The following SYNC variants were observed in gnomAD, a reference collection of about 807,000 sequenced individuals.
The protein encoded by SYNC is syncoilin.
A neutral mutation model predicts 49.5 loss-of-function variants in SYNC; 38 were observed. That is an observed-to-expected ratio of 0.77 (90% CI 0.59 to 1.01). SYNC has a LOEUF of 1.01. Among genes scored for constraint, SYNC ranks in the 50% least tolerant of loss-of-function variants. The pLI, the probability that SYNC is intolerant of heterozygous loss-of-function variation, is 0.00. For synonymous variants in SYNC, 201 were observed against 230.8 expected (o/e 0.87, Z 1.17); for missense variants, 579 against 580.6 (o/e 1.00, Z 0.03).
rs1310316570 is a variant in SYNC at position 32,684,544 on chromosome 1, T to G, written c.1234-162A>C. Reference sequence around the variant, plus strand: ...TTATGAAACAGGTTCAAAGAAGTTGTGTCTTGGAAAAAAAGTGACAATGCT... The same window carrying G: ...TTATGAAACAGGTTCAAAGAAGTTGGGTCTTGGAAAAAAAGTGACAATGCT... On this transcript the variant is annotated intron_variant, in intron 2 of 4. Transcript: ENST00000409190. The G allele has an allele frequency of 2.8e-6, 3 of 1,061,182 alleles. No homozygotes were observed. The African/African-American group carries it at 4.8e-5, about 17-fold the overall frequency. 65.7% of individuals were successfully genotyped at this position (1,061,182 alleles called of 1,614,324 possible). A position where few individuals can be genotyped will look rare whatever the true frequency, so the allele number is the denominator to read the frequency against.
rs1208319167 is a variant in SYNC at position 32,694,902 on chromosome 1, A to G, written c.1196T>C (p.Val399Ala). The change falls in exon 2 of 5, where the codon GTG (valine) becomes GCG (alanine). Residue 399 changes from valine to alanine, a missense_variant. Transcript: ENST00000409190. ...NRNLEDQIAL[V>A]RQKRDEEVQQ... ...CACCTCTTCATCTCGTTTTTGCCTC[A>G]CAAGTGCGATCTGGTCCTCCAGGTT... 1.9e-6 allele frequency: 3 copies of G among 1,610,840 alleles called. No individual in the cohort carries two copies. Among genetic ancestry groups the G allele is most frequent in the African/African-American group, 2.7e-5 (2 of 74,422 alleles).
At chr1:32,687,884 C>T (rs1649962532) in intron 2 of SYNC, among the ~76,000 whole-genome samples, 2 of 19,678 alleles carry the variant, frequency 1.0e-4, no homozygotes, top group African/African-American at 2.2e-4. Context: ...GAGTCTTGCT[C>T]TGTCGCTCAG....
At chr1:32,693,537 T>A (rs1650266727) in intron 2 of SYNC, among the ~76,000 whole-genome samples, 1 of 151,470 alleles carries the variant, frequency 6.6e-6, no homozygotes, top group Non-Finnish European at 1.5e-5. Context: ...GAATCAGTGT[T>A]TCAAAAGATT....
In SYNC at chr1:32,695,664, C is replaced by A. The variant is rs1650391181; in HGVS notation, c.434G>T (p.Arg145Met). 1 of 1,551,640 alleles carries A rather than the reference C, an allele frequency of 6.4e-7. No individual in the cohort carries two copies. The highest frequency in any genetic ancestry group is 8.7e-7 in the Non-Finnish European group (1 of 1,147,018). Reference sequence around the variant, plus strand: ...CTCCTCAGGGTTAGATTTCTCCGCCCTTGTGACTGTCTCTCCCTCATAAAC... The same window carrying A: ...CTCCTCAGGGTTAGATTTCTCCGCCATTGTGACTGTCTCTCCCTCATAAAC... ...HVVYEGETVTRAEKSNPEESL... is the reference protein window; with the variant it reads ...HVVYEGETVTMAEKSNPEESL... Residue 145 changes from arginine to methionine, a missense_variant, in exon 2 of 5, where the codon AGG (arginine) becomes ATG (methionine). Coordinates refer to ENST00000409190, the MANE Select transcript of SYNC (RefSeq NM_030786.3).
intron 2 of SYNC, among the ~76,000 whole-genome samples, chr1:32,686,796 A>T (rs1649861847): frequency 6.7e-6 from 1 of 150,284 alleles, no homozygotes; most frequent in Non-Finnish European, 1.5e-5. Context: ...GAGCTTAAGT[A>T]ATTTGTCCAA....
intron 4 of SYNC, chr1:32,682,132 T>C (rs912593083): frequency 3.2e-5 from 14 of 442,566 alleles, no homozygotes; most frequent in Middle Eastern, 6.3e-4. Flanking sequence ...GATTAGTCGT[T>C]GTCTTTTCCA....
rs914190847 is a variant in SYNC at position 32,680,326 on chromosome 1, C to G, written c.*1524G>C. On this transcript the variant is annotated 3_prime_UTR_variant, in exon 5 of 5. Coordinates refer to ENST00000409190, the MANE Select transcript of SYNC (RefSeq NM_030786.3). ...TGTTTTCATGTTGTTTATTTCCTGT[C>G]TGTGAAATGGTGTTTTTTTTTTTGT... The G allele has an allele frequency of 2.1e-4, 269 of 1,287,266 alleles. 1 individual carries two copies. Among genetic ancestry groups the G allele is most frequent in the Non-Finnish European group, 2.6e-4 (266 of 1,020,288 alleles). The allele number at this position is 1,287,266 out of a possible 1,614,324, so 79.7% of individuals were successfully genotyped here.
In SYNC at chr1:32,694,909, C is replaced by T. The variant is rs397205; in HGVS notation, c.1189G>A (p.Ala397Thr). 3,091 of 1,612,188 alleles carry T rather than the reference C, an allele frequency of 1.9e-3. 52 individuals carry two copies. The African/African-American group carries it at 0.033, about 17-fold the overall frequency. ...TCATCTCGTTTTTGCCTCACAAGTG[C>T]GATCTGGTCCTCCAGGTTCCTGTTT... ...LQNRNLEDQI[A>T]LVRQKRDEEV... The change falls in exon 2 of 5, where the codon GCA (alanine) becomes ACA (threonine). Residue 397 changes from alanine to threonine, a missense_variant. Coordinates refer to ENST00000409190, the MANE Select transcript of SYNC (RefSeq NM_030786.3).
intron 2 of SYNC, chr1:32,684,896 T>C (rs1649713720): frequency 6.5e-6 from 1 of 153,392 alleles, no homozygotes; most frequent in African/African-American, 2.4e-5. Context: ...TAAGGAAAAG[T>C]TTTTGTGTCC....
chr1:32,691,906 A>C (rs1456880876), intron 2 of SYNC, among the ~76,000 whole-genome samples: 1 of 151,908 alleles, frequency 6.6e-6, no homozygotes, highest in Non-Finnish European at 1.5e-5. Flanking sequence ...CTCTTTTTTC[A>C]TGAAGAGTTC....
chr1:32,682,305 C>A (rs1360555471), intron 4 of SYNC: 1 of 159,180 alleles, frequency 6.3e-6, no homozygotes, highest in Non-Finnish European at 1.4e-5. Flanking sequence ...CCTGTAATCC[C>A]AGCTACTTAG....
At position 32,680,848 on chromosome 1, in the gene SYNC, A is replaced by G. The variant is rs988160344; in HGVS notation, c.*1002T>C. On this transcript the variant is annotated 3_prime_UTR_variant, in exon 5 of 5. Transcript: ENST00000409190. ...GAAAGTGAAAGACATAAAACACTGA[A>G]TCAGAGGTGGCACAGATTAGTCTTT... 1 of 340,606 alleles carries G rather than the reference A, an allele frequency of 2.9e-6. No individual in the cohort carries two copies. Among genetic ancestry groups the G allele is most frequent in the Non-Finnish European group, 5.3e-6 (1 of 187,944 alleles). 21.1% of individuals were successfully genotyped at this position (340,606 alleles called of 1,614,324 possible).
intron 1 of SYNC, among the ~76,000 whole-genome samples, chr1:32,701,223 ACTT>A (rs1650656219): frequency 6.6e-6 from 1 of 151,964 alleles, no homozygotes; most frequent in South Asian, 2.1e-4. Context: ...CCCACAATAT[ACTT>A]CTATCTATCT....
At chr1:32,694,652 T>TAA (rs1429474904) in intron 2 of SYNC, among the ~76,000 whole-genome samples, 1 of 140,784 alleles carries the variant, frequency 7.1e-6, no homozygotes, top group African/African-American at 2.8e-5. Context: ...AGACTCCATC[T>TAA]CAAAAAAAAA....
At position 32,695,565 on chromosome 1, in the gene SYNC, C is replaced by T. The variant is rs887271979; in HGVS notation, c.533G>A (p.Arg178His). 17 of 1,551,478 alleles carry T rather than the reference C, an allele frequency of 1.1e-5. No individual in the cohort carries two copies. The highest frequency in any genetic ancestry group is 1.1e-4 in the African/African-American group (8 of 73,056). ...SIEDLELLEGRFQQCVQAVAQ... is the reference protein window; with the variant it reads ...SIEDLELLEGHFQQCVQAVAQ... ...CACAGCTTGGACACACTGCTGGAAA[C>T]GCCCCTCTAGCAATTCCAGGTCCTC... Residue 178 changes from arginine to histidine, a missense_variant, in exon 2 of 5, where the codon CGT (arginine) becomes CAT (histidine). By Grantham distance (29) the Arg-to-His change is conservative. Transcript: ENST00000409190.
chr1:32,698,783 CTTTT>C (rs113450268), intron 1 of SYNC, among the ~76,000 whole-genome samples: 2 of 140,426 alleles, frequency 1.4e-5, no homozygotes, highest in Admixed American at 7.2e-5. Flanking sequence ...TTGTTTTTGT[CTTTT>C]TTTTTTTTTT....
rs1427722796 is a variant in SYNC, at chr1:32,702,570, C to A, written c.53+38G>T. On this transcript the variant is annotated intron_variant, in intron 1 of 4. Coordinates refer to ENST00000409190, the MANE Select transcript of SYNC (RefSeq NM_030786.3). The surrounding 1 kb of genome is among the most constrained non-coding windows in gnomAD (Gnocchi z 6.2). ...GGAACCCGTCCAGCAGCACCCCTTC[C>A]CCAGCGGGGCGGCGACGCGGGCCCG... 3 of 1,217,278 alleles carry A rather than the reference C, an allele frequency of 2.5e-6. No homozygotes were observed. The highest frequency in any genetic ancestry group is 3.1e-6 in the Non-Finnish European group (3 of 978,710). 75.4% of individuals were successfully genotyped at this position (1,217,278 alleles called of 1,614,324 possible). A position where few individuals can be genotyped will look rare whatever the true frequency, so the allele number is the denominator to read the frequency against.
chr1:32,702,724 G>A lies in SYNC; in HGVS notation c.-64C>T, dbSNP rs1464444324. On this transcript the variant is annotated 5_prime_UTR_variant, in exon 1 of 5. Coordinates refer to ENST00000409190, the MANE Select transcript of SYNC (RefSeq NM_030786.3). This position sits in a 1 kb window ranked among gnomAD's most constrained non-coding sequence, Gnocchi z 6.2. ...GCCGGGCCCGCGGGCCCCTCGCTCC[G>A]GCGCCCGCGCCCGCCGCACTGCCAG... The A allele has an allele frequency of 8.2e-6, 9 of 1,097,528 alleles. No individual in the cohort carries two copies. In the East Asian group the frequency reaches 1.6e-4, roughly 20 times the overall value. The allele number at this position is 1,097,528 out of a possible 1,614,324, so 68.0% of individuals were successfully genotyped here.
chr1:32,689,595 G>A (rs1396916778), intron 2 of SYNC, among the ~76,000 whole-genome samples: 1 of 152,006 alleles, frequency 6.6e-6, no homozygotes, highest in African/African-American at 2.4e-5. Flanking sequence ...GGTGATGATA[G>A]AGGCAACGTT....
Sources: gnomAD v4.1 joint callset for allele counts (sites outside exome capture counted in the v4.1 genomes callset) on GRCh38, gnomAD v4.1.1 for gene constraint, Gnocchi (gnomAD v3.1) non-coding constraint, MANE v1.5 for transcripts, NCBI Gene and HGNC (gene_info 2026-07-23, HGNC 2026-07-21) for gene names.